Variants in GCSAML observed in about 807,000 individuals in gnomAD.
GCSAML encodes the protein germinal center-associated signaling and motility-like protein.
In GCSAML, 9 loss-of-function variants were observed where a neutral mutation model predicts 13.0. That is an observed-to-expected ratio of 0.69 (90% CI 0.42 to 1.21). The LOEUF (loss-of-function observed/expected upper bound fraction) is 1.21, where lower values mean the gene tolerates loss of function less well. GCSAML is among the 50% of genes most tolerant of loss of function. The pLI, the probability that GCSAML is intolerant of heterozygous loss-of-function variation, is 0.00. For synonymous variants in GCSAML, 37 were observed against 52.9 expected, an observed-to-expected ratio of 0.70 and a Z score of 1.31; for missense variants, 143 against 153.4, an observed-to-expected ratio of 0.93 and a Z score of 0.36.
intron 4 of GCSAML, among the ~76,000 whole-genome samples, chr1:247,571,906 A>AT (rs61702176): frequency 6.7e-5 from 10 of 149,712 alleles, no homozygotes; most frequent in East Asian, 5.9e-4. Context: ...GTTCCTTTTC[A>AT]TTTTTTTTTC....
At chr1:247,555,313 G>GA (rs2103043436) in intron 1 of GCSAML, among the ~76,000 whole-genome samples, 1 of 151,994 alleles carries the variant, frequency 6.6e-6, no homozygotes, top group South Asian at 2.1e-4. Flanking sequence ...AGGAAAAGGG[G>GA]AAAAAAGGAG....
chr1:247,552,209 T>C (rs1667800195), intron 1 of GCSAML, among the ~76,000 whole-genome samples: 1 of 152,166 alleles, frequency 6.6e-6, no homozygotes, highest in South Asian at 2.1e-4. Context: ...TGGAGTATCA[T>C]TTTCTGAGCC....
At chr1:247,549,107 A>G, upstream of GCSAML, 1 of 1,613,510 alleles carries the variant, frequency 6.2e-7, no homozygotes, top group Non-Finnish European at 8.5e-7. Context: ...GTCCTGCCTC[A>G]TGCATTTTCC....
chr1:247,543,007 A>C (rs1162481961), intron 2 of GCSAML, among the ~76,000 whole-genome samples: 1 of 152,226 alleles, frequency 6.6e-6, no homozygotes, highest in Non-Finnish European at 1.5e-5. Context: ...TCTGCAACCA[A>C]ATATCTGTCC....
intron 1 of GCSAML, chr1:247,525,668 A>G (rs1290136406): frequency 6.6e-6 from 1 of 152,240 alleles, no homozygotes; most frequent in Non-Finnish European, 1.5e-5. Flanking sequence ...CCAGTCCTTG[A>G]GGGTTTTTAT....
At chr1:247,567,819 C>T (rs1341499658) in intron 4 of GCSAML, among the ~76,000 whole-genome samples, 2 of 152,202 alleles carry the variant, frequency 1.3e-5, no homozygotes, top group African/African-American at 4.8e-5. Context: ...TCCTATTTCT[C>T]CACATCCTCT....
intron 4 of GCSAML, among the ~76,000 whole-genome samples, chr1:247,572,639 G>A (rs917897540): frequency 3.9e-5 from 6 of 152,182 alleles, no homozygotes; most frequent in African/African-American, 1.4e-4. Context: ...GGTGTCTGTC[G>A]ATCCCTGTTG....
At chr1:247,563,484 A>T (rs908752880) in intron 2 of GCSAML, 106 bp from the exon 3 acceptor site, 6 of 587,694 alleles carry the variant, frequency 1.0e-5, no homozygotes, top group African/African-American at 1.9e-5. Flanking sequence ...TGCATGGAAA[A>T]TCTAACAATG....
intron 2 of GCSAML, among the ~76,000 whole-genome samples, 197 bp downstream of exon 2, chr1:247,556,663 CA>C (rs1667963624): frequency 6.6e-6 from 1 of 152,008 alleles, no homozygotes; most frequent in Non-Finnish European, 1.5e-5. Flanking sequence ...GGGTATTAGC[CA>C]CGTGTTTTGT....
chr1:247,556,484 C>T lies in GCSAML; in HGVS notation c.89+18C>T. The T allele has an allele frequency of 6.3e-7, 1 of 1,585,502 alleles. No homozygotes were observed. ...AGAAAACGGTAAGAACAGAGCATCT[C>T]AGAGTTTTTTTGTTTTGTTTTGTTT... On this transcript the variant is annotated intron_variant, in intron 2 of 4. Coordinates refer to ENST00000366488, the MANE Select transcript of GCSAML (RefSeq NM_145278.5).
chr1:247,558,749 C>G (rs1405974361), intron 2 of GCSAML, among the ~76,000 whole-genome samples: 4 of 152,170 alleles, frequency 2.6e-5, no homozygotes, highest in Admixed American at 2.6e-4. Context: ...AACTTTCCCT[C>G]TAAATAATAT....
rs772809667 is a variant in GCSAML at position 247,527,223 on chromosome 1, A to G, written c.-148+169A>G. On this transcript the variant is annotated intron_variant, in intron 2 of 5. Coordinates refer to the GCSAML transcript ENST00000366489. This position sits in a 1 kb window ranked among gnomAD's most constrained non-coding sequence, Gnocchi z 4.6. The stretch of plus-strand genomic sequence containing the variant: ...GTCATCATTCTCCTCTGTGCCAAAC[A>G]GGGGCTGATGGATGGTCAGGGCAAA... 4 of 382,664 alleles carry G rather than the reference A, an allele frequency of 1.0e-5. No homozygotes were observed. Among genetic ancestry groups the G allele is most frequent in the Admixed American group, 3.1e-5 (1 of 31,870 alleles). The allele number at this position is 382,664 out of a possible 1,614,324, so 23.7% of individuals were successfully genotyped here. A position where few individuals can be genotyped will look rare whatever the true frequency, so the allele number is the denominator to read the frequency against.
intron 1 of GCSAML, chr1:247,525,947 A>G (rs1038700850): frequency 6.6e-6 from 1 of 152,212 alleles, no homozygotes; most frequent in Non-Finnish European, 1.5e-5. Flanking sequence ...TTGAAGACCA[A>G]ATATATGCTT....
chr1:247,563,618 C>T lies in GCSAML; in HGVS notation c.118C>T (p.Leu40Phe). 1.3e-6 allele frequency: 2 copies of T among 1,582,426 alleles called. No individual in the cohort carries two copies. Among genetic ancestry groups the T allele is most frequent in the Non-Finnish European group, 1.7e-6 (2 of 1,152,752 alleles). ...RQEMTTFERK[L>F]QDQDKKSQEV... The stretch of plus-strand genomic sequence containing the variant: ...GGAAATGACTACATTTGAAAGAAAA[C>T]TTCAAGATCAAGATAAGAAAAGTAA... Residue 40 changes from leucine to phenylalanine, a missense_variant, in exon 3 of 5, where the codon CTT (leucine) becomes TTT (phenylalanine). Transcript: ENST00000366488.
chr1:247,543,372 A>G (rs550516742), intron 2 of GCSAML, among the ~76,000 whole-genome samples: 1 of 152,318 alleles, frequency 6.6e-6, no homozygotes, highest in African/African-American at 2.4e-5. Context: ...GTATATTGTT[A>G]TAATTGTTCT....
intron 2 of GCSAML, 150 bp downstream of exon 2, chr1:247,556,616 C>A: frequency 1.7e-6 from 1 of 579,452 alleles, no homozygotes; most frequent in Non-Finnish European, 3.1e-6. Context: ...GACTTGGCAG[C>A]AGGTTAGACA....
intron 1 of GCSAML, among the ~76,000 whole-genome samples, chr1:247,510,476 T>C (rs1275176003): frequency 6.6e-6 from 1 of 152,204 alleles, no homozygotes; most frequent in Non-Finnish European, 1.5e-5. Context: ...CATTGATTTT[T>C]TGAAGGATTT....
intron 4 of GCSAML, among the ~76,000 whole-genome samples, chr1:247,570,906 T>C (rs770927392): frequency 1.3e-5 from 2 of 152,216 alleles, no homozygotes; most frequent in Non-Finnish European, 2.9e-5. Context: ...ATTCGGTGCA[T>C]ATATATTTAG....
At chr1:247,512,370 G>A (rs1437031720) in intron 1 of GCSAML, among the ~76,000 whole-genome samples, 2 of 151,902 alleles carry the variant, frequency 1.3e-5, no homozygotes, top group African/African-American at 2.4e-5. Flanking sequence ...GGTCATTTAT[G>A]TTCTTCTCTA....
Sources: gnomAD v4.1 joint callset for allele counts (sites outside exome capture counted in the v4.1 genomes callset) on GRCh38, gnomAD v4.1.1 for gene constraint, Gnocchi (gnomAD v3.1) non-coding constraint, MANE v1.5 for transcripts, NCBI Gene and HGNC (gene_info 2026-07-23, HGNC 2026-07-21) for gene names.